The following DAB1 variants were observed in gnomAD, a reference collection of about 807,000 sequenced individuals.
DAB1 encodes DAB adaptor protein 1.
DAB1 carries 15 observed loss-of-function variants against 64.6 expected under a neutral mutation model. The ratio of observed to expected loss-of-function variants is 0.23; its 90% CI spans 0.16 to 0.36. DAB1 has a LOEUF of 0.36. Among genes scored for constraint, DAB1 ranks in the 10% least tolerant of loss-of-function variants. The probability of loss-of-function intolerance (pLI) is 1.00; values close to 1 mark genes in which losing one functional copy is unlikely to be tolerated. For missense variants in DAB1, 596 were observed against 706.7 expected (o/e 0.84, Z 1.78); for synonymous variants, 235 against 251.9 (o/e 0.93, Z 0.64).
chr1:57,751,265 TAGA>T (rs1354904785), intron 6 of DAB1, among the ~76,000 whole-genome samples: 10 of 151,894 alleles, frequency 6.6e-5, no homozygotes, highest in Admixed American at 6.6e-4. Flanking sequence ...ATAATATAGC[TAGA>T]AGGAGGAGCT....
chr1:58,221,240 C>A (rs1284500461), intron 4 of DAB1, among the ~76,000 whole-genome samples: 2 of 152,192 alleles, frequency 1.3e-5, no homozygotes, highest in East Asian at 3.9e-4. Flanking sequence ...TGCTGCTTTC[C>A]CACTGGAGTA....
intron 4 of DAB1, among the ~76,000 whole-genome samples, chr1:58,263,858 C>A (rs1404584690): frequency 3.3e-5 from 5 of 152,180 alleles, no homozygotes; most frequent in Non-Finnish European, 7.4e-5. Flanking sequence ...TATCTCATTT[C>A]TTATTCTGAA....
At chr1:57,813,298 G>A (rs1459839116) in intron 6 of DAB1, among the ~76,000 whole-genome samples, 2 of 152,124 alleles carry the variant, frequency 1.3e-5, no homozygotes, top group African/African-American at 2.4e-5. Flanking sequence ...TAGAACACTT[G>A]CATATCTTTT....
intron 5 of DAB1, among the ~76,000 whole-genome samples, chr1:58,045,389 A>G (rs1647217177): frequency 6.6e-6 from 1 of 152,180 alleles, no homozygotes; most frequent in Admixed American, 6.5e-5. Flanking sequence ...AGCTCTCTCC[A>G]CAGCATCCAG....
chr1:57,698,464 A>AT (rs900504219), intron 6 of DAB1, among the ~76,000 whole-genome samples: 36 of 152,036 alleles, frequency 2.4e-4, no homozygotes, highest in Non-Finnish European at 3.1e-4. Context: ...CTCCTTGTGG[A>AT]TTTTTTTTAG....
chr1:57,933,071 C>A (rs958104910), intron 5 of DAB1, among the ~76,000 whole-genome samples: 1 of 152,172 alleles, frequency 6.6e-6, no homozygotes, highest in African/African-American at 2.4e-5. Context: ...ACTATAAAAA[C>A]CAGGCAGAGT....
At chr1:58,404,736 C>G (rs1644601003) in intron 3 of DAB1, among the ~76,000 whole-genome samples, 1 of 152,128 alleles carries the variant, frequency 6.6e-6, no homozygotes, top group Non-Finnish European at 1.5e-5. Flanking sequence ...AATCACTAAC[C>G]CTTTCCACTG....
At chr1:58,267,865 G>A (rs1303286173) in intron 4 of DAB1, among the ~76,000 whole-genome samples, 1 of 151,978 alleles carries the variant, frequency 6.6e-6, no homozygotes, top group African/African-American at 2.4e-5. Context: ...AAGAAACCTT[G>A]CGTCCCCTTC....
chr1:57,346,128 C>T lies in DAB1; in HGVS notation c.-136-54962G>A, dbSNP rs182577380. Among the ~76,000 whole-genome samples, 426 of 152,302 alleles carry T rather than the reference C, an allele frequency of 2.8e-3. 3 individuals carry two copies. The highest frequency in any genetic ancestry group is 3.4e-3 in the Middle Eastern group (1 of 294). ...TGGCAGCTGCTGTGGTCTTTCACTA[C>T]GCTACAAAACGGCTTAACTGGGCTG... is the stretch of plus-strand genomic sequence containing the variant. On this transcript the variant is annotated intron_variant, in intron 1 of 14. Coordinates refer to ENST00000371236, the MANE Select transcript of DAB1 (RefSeq NM_001365792.1).
chr1:57,470,568 G>T (rs947731647), intron 7 of DAB1, among the ~76,000 whole-genome samples: 6 of 152,136 alleles, frequency 3.9e-5, no homozygotes, highest in African/African-American at 1.4e-4. Flanking sequence ...TATCATGAAG[G>T]GGATAGCCCC....
chr1:57,162,434 C>T (rs1184566058), intron 2 of DAB1, among the ~76,000 whole-genome samples: 1 of 152,210 alleles, frequency 6.6e-6, no homozygotes, highest in Non-Finnish European at 1.5e-5. Flanking sequence ...CAGTGCAGAA[C>T]CCCTAACTTA....
intron 7 of DAB1, among the ~76,000 whole-genome samples, chr1:57,630,426 A>G (rs1645975424): frequency 6.6e-6 from 1 of 152,174 alleles, no homozygotes; most frequent in African/African-American, 2.4e-5. Flanking sequence ...TTAAAGCTAC[A>G]CTAAGTGATT....
intron 3 of DAB1, among the ~76,000 whole-genome samples, chr1:58,490,324 C>T (rs927467952): frequency 3.3e-5 from 5 of 152,052 alleles, no homozygotes; most frequent in Non-Finnish European, 7.3e-5. Flanking sequence ...ATTCGATCAA[C>T]TGGAAGAAAA....
At chr1:57,924,202 G>A (rs1644847792) in intron 5 of DAB1, among the ~76,000 whole-genome samples, 1 of 152,232 alleles carries the variant, frequency 6.6e-6, no homozygotes, top group Non-Finnish European at 1.5e-5. Context: ...CCTCTTTGAA[G>A]GACATCCAGA....
At chr1:58,094,483 C>T (rs1650866511) in intron 5 of DAB1, among the ~76,000 whole-genome samples, 1 of 152,204 alleles carries the variant, frequency 6.6e-6, no homozygotes, top group Non-Finnish European at 1.5e-5. Context: ...CTTGCAGTTG[C>T]TAACCAGGAT....
Position 58,538,649 on chromosome 1 carries a change from T to TG in DAB1, n.32+8053dup, listed in dbSNP as rs1291770559. On this transcript the variant is annotated intron_variant and non_coding_transcript_variant, in intron 1 of 20. Transcript: ENST00000485760. ...TTTAGAAACTTCACTTTGAGCTAAA[T>TG]GGGGGGAGACAGGGGATCTGGCAAG... 2.5e-5 allele frequency: 12 copies of TG among 486,822 alleles called. No individual in the cohort carries two copies. The East Asian group carries it at 3.2e-4, about 13-fold the overall frequency. The allele number at this position is 486,822 out of a possible 1,614,324, so 30.2% of individuals were successfully genotyped here.
At chr1:57,437,941 T>C (rs991706928) in intron 7 of DAB1, among the ~76,000 whole-genome samples, 2 of 152,218 alleles carry the variant, frequency 1.3e-5, no homozygotes, top group Non-Finnish European at 2.9e-5. Context: ...GCTCTGCCTC[T>C]GCCACTAATT....
At chr1:57,872,575 T>A (rs1465235265) in intron 1 of DAB1, among the ~76,000 whole-genome samples, 1 of 152,184 alleles carries the variant, frequency 6.6e-6, no homozygotes, top group East Asian at 1.9e-4. Flanking sequence ...CTTGGTTCTT[T>A]GAATGCAGCA....
intron 7 of DAB1, among the ~76,000 whole-genome samples, chr1:57,563,589 C>A (rs1397975060): frequency 6.6e-6 from 1 of 152,150 alleles, no homozygotes; most frequent in African/African-American, 2.4e-5. Flanking sequence ...TCACTCCCAC[C>A]CTAATACTGT....
Sources: gnomAD v4.1 joint callset for allele counts (sites outside exome capture counted in the v4.1 genomes callset) on GRCh38, gnomAD v4.1.1 for gene constraint, MANE v1.5 for transcripts, NCBI Gene and HGNC (gene_info 2026-07-23, HGNC 2026-07-21) for gene names.